The following P2RY10 variants were observed in gnomAD, a reference collection of about 807,000 sequenced individuals.
P2RY10 encodes the protein P2Y receptor family member 10.
P2RY10 carries 4 observed loss-of-function variants against 12.1 expected under a neutral mutation model. That is an observed-to-expected ratio of 0.33 (90% confidence interval 0.16 to 0.76). The LOEUF is 0.76. Ranked by LOEUF, P2RY10 falls within the 30% of genes least tolerant of loss-of-function variation. The pLI is 0.61. For missense variants in P2RY10, 233 were observed against 264.6 expected, an observed-to-expected ratio of 0.88 and a Z score of 0.83; for synonymous variants, 112 against 94.1, an observed-to-expected ratio of 1.19 and a Z score of -1.10.
chrX:78,947,780 G>T, intron 1 of P2RY10, 35 bp from the exon 2 acceptor site: 1 of 460,429 alleles, frequency 2.2e-6, no homozygotes, highest in Non-Finnish European at 2.7e-6. Context: ...AGAGAACTGA[G>T]TATCCTTTCC....
At chrX:78,946,471 G>C (rs1237141564) in intron 1 of P2RY10, among the ~76,000 whole-genome samples, 3 of 112,092 alleles carry the variant, frequency 2.7e-5, no homozygotes, top group African/African-American at 9.7e-5. Flanking sequence ...TTGGAACCAG[G>C]ATAAGGCTGG....
chrX:78,945,955 G>T (rs1000698254), intron 1 of P2RY10, among the ~76,000 whole-genome samples: 5 of 111,930 alleles, frequency 4.5e-5, no homozygotes, highest in Non-Finnish European at 9.4e-5. Flanking sequence ...AGCTTTCAGA[G>T]ATACTGAGAC....
intron 2 of P2RY10, among the ~76,000 whole-genome samples, chrX:78,951,316 T>G (rs956570718): frequency 2.7e-5 from 3 of 112,294 alleles, no homozygotes; most frequent in Non-Finnish European, 5.6e-5. Context: ...TGGATTGCCT[T>G]CTTTAAAGCT....
intron 3 of P2RY10, among the ~76,000 whole-genome samples, chrX:78,960,232 G>T (rs1306958473): frequency 8.9e-6 from 1 of 112,140 alleles, no homozygotes; most frequent in Admixed American, 9.4e-5. Flanking sequence ...CAGAATAAAA[G>T]ATTTAACATT....
In P2RY10 at chrX:78,961,450, A is replaced by C; in HGVS notation, c.930A>C (p.Ser310=). 8.3e-7 allele frequency: 1 copy of C among 1,210,546 alleles called. No homozygotes were observed. Among genetic ancestry groups the C allele is most frequent in the Non-Finnish European group, 1.1e-6 (1 of 894,726 alleles). The change falls in exon 4 of 4, where the codon TCA becomes TCC. Residue 310 remains serine, a synonymous_variant. Transcript: ENST00000171757. ...CAATTCTTTATTACTTTATGGCTTC[A>C]GAGTTTCGTGACCAACTATCCCGCC... ...LDPILYYFMA[S]EFRDQLSRHG...
intron 3 of P2RY10, among the ~76,000 whole-genome samples, chrX:78,955,315 A>G (rs1922286328): frequency 1.8e-5 from 2 of 111,935 alleles, no homozygotes; most frequent in African/African-American, 6.5e-5. Flanking sequence ...AATCACTGGC[A>G]TGAGGCAGAT....
rs769548827 is a variant in P2RY10 at position 78,953,432 on chromosome X, T to C, written c.-14+1097T>C. On this transcript the variant is annotated intron_variant, in intron 3 of 3. Coordinates refer to ENST00000171757, the MANE Select transcript of P2RY10 (RefSeq NM_014499.4). ...ATGAGGGTTGGCAGATAGTACAAAA[T>C]TGAAAAATACTGGAATAAGAAATAG... Among the ~76,000 whole-genome samples, 3 of 112,208 alleles carry C rather than the reference T, an allele frequency of 2.7e-5. No homozygotes were observed. In the South Asian group the frequency reaches 1.1e-3, roughly 42 times the overall value.
Position 78,962,334 on chromosome X carries a change from G to A in P2RY10, c.*794G>A, listed in dbSNP as rs1452582824. Among the ~76,000 whole-genome samples the A allele has an allele frequency of 9.0e-6, 1 of 111,315 alleles. No individual in the cohort carries two copies. The highest frequency in any genetic ancestry group is 1.9e-5 in the Non-Finnish European group (1 of 53,112). On this transcript the variant is annotated 3_prime_UTR_variant, in exon 4 of 4. Transcript: ENST00000171757. ...CTCATCTTGCCCTCCTAATAAACCTGTGGAAGTTGCCGATACAAATGAATA... is the reference window on the plus strand; with the variant it reads ...CTCATCTTGCCCTCCTAATAAACCTATGGAAGTTGCCGATACAAATGAATA...
At position 78,963,033 on chromosome X, in the gene P2RY10, G is replaced by T. The variant is rs914389010; in HGVS notation, c.*1493G>T. Among the ~76,000 whole-genome samples, 1 of 111,451 alleles carries T rather than the reference G, an allele frequency of 9.0e-6. No individual in the cohort carries two copies. The highest frequency in any genetic ancestry group is 3.8e-4 in the South Asian group (1 of 2,650). ...TCTTTTTATCTTATTTTTTTCAAAC[G>T]TTGTGGTTGTTGTTTCAGCACCATT... On this transcript the variant is annotated 3_prime_UTR_variant, in exon 4 of 4. Coordinates refer to ENST00000171757, the MANE Select transcript of P2RY10 (RefSeq NM_014499.4).
chrX:78,946,320 C>T (rs993717858), intron 1 of P2RY10, among the ~76,000 whole-genome samples: 7 of 111,529 alleles, frequency 6.3e-5, no homozygotes, highest in Admixed American at 9.5e-5. Flanking sequence ...ATAGCAAAGC[C>T]CATGAGTGAG....
chrX:78,961,292 C>T lies in P2RY10; in HGVS notation c.772C>T (p.Pro258Ser). ...TGCAGTCTTCTTCATCTGCTTCACT[C>T]CCTATCATATTAACTTTATTTTTTA... ...CAAVFFICFT[P>S]YHINFIFYTM... Residue 258 changes from proline to serine, a missense_variant, in exon 4 of 4, where the codon CCC (proline) becomes TCC (serine). Coordinates refer to ENST00000171757, the MANE Select transcript of P2RY10 (RefSeq NM_014499.4). 8.3e-7 allele frequency: 1 copy of T among 1,209,083 alleles called. No homozygotes were observed. Among genetic ancestry groups the T allele is most frequent in the Non-Finnish European group, 1.1e-6 (1 of 893,371 alleles).
At chrX:78,948,862 C>T (rs983205951) in intron 2 of P2RY10, among the ~76,000 whole-genome samples, 15 of 111,776 alleles carry the variant, frequency 1.3e-4, no homozygotes, top group South Asian at 3.7e-4. Flanking sequence ...TTTATCCACT[C>T]GTTAGTCAAT....
intron 3 of P2RY10, among the ~76,000 whole-genome samples, chrX:78,960,118 C>T (rs1922535320): frequency 8.9e-6 from 1 of 112,164 alleles, no homozygotes; most frequent in Non-Finnish European, 1.9e-5. Flanking sequence ...ATTTCTACTA[C>T]TGCAATTAGG....
At position 78,961,656 on chromosome X, in the gene P2RY10, A is replaced by G. The variant is rs1922632117; in HGVS notation, c.*116A>G. 1 of 548,233 alleles carries G rather than the reference A, an allele frequency of 1.8e-6. No homozygotes were observed. The highest frequency in any genetic ancestry group is 3.3e-5 in the South Asian group (1 of 29,924). The allele number at this position is 548,233 out of a possible 1,213,427, so 45.2% of individuals were successfully genotyped here. ...AACATTGTAAAAAACAGGAATAAGT[A>G]CTTTTGTGTAATATTCACAGTCAAC... is the stretch of plus-strand genomic sequence containing the variant. On this transcript the variant is annotated 3_prime_UTR_variant, in exon 4 of 4. Transcript: ENST00000171757.
At chrX:78,952,395 A>C in intron 3 of P2RY10, 60 bp downstream of exon 3, 72 of 648,618 alleles carry the variant, frequency 1.1e-4, no homozygotes, top group South Asian at 1.6e-4. Context: ...TTCTATTCTC[A>C]CCTCTTTCTG....
chrX:78,953,487 G>A (rs1213082439), intron 3 of P2RY10, among the ~76,000 whole-genome samples: 1 of 112,273 alleles, frequency 8.9e-6, no homozygotes, highest in African/African-American at 3.2e-5. Flanking sequence ...CAGCAGAAGT[G>A]AATGCTGTTA....
At chrX:78,956,674 A>C (rs1399736676) in intron 3 of P2RY10, among the ~76,000 whole-genome samples, 1 of 110,827 alleles carries the variant, frequency 9.0e-6, no homozygotes, top group African/African-American at 3.3e-5. Flanking sequence ...GATTACCTAG[A>C]TCGAGTGAGT....
rs192572217 is a variant in P2RY10, at chrX:78,956,814, G to A, written c.-13-3694G>A. On this transcript the variant is annotated intron_variant, in intron 3 of 3. Coordinates refer to ENST00000171757, the MANE Select transcript of P2RY10 (RefSeq NM_014499.4). ...CATCTGCAATGTGGAAATAATCACA[G>A]GACTCCTGTGAGGATGGATGACATA... 1.6e-3 allele frequency among the ~76,000 whole-genome samples: 184 copies of A among 111,517 alleles called. 2 individuals carry two copies. Among genetic ancestry groups the A allele is most frequent in the African/African-American group, 5.3e-3 (163 of 30,678 alleles).
intron 1 of P2RY10, among the ~76,000 whole-genome samples, chrX:78,945,705 T>C (rs1014925154): frequency 8.9e-6 from 1 of 111,940 alleles, no homozygotes; most frequent in African/African-American, 3.3e-5. Context: ...ATCAGTCCTC[T>C]TCATTATGCC....
Sources: gnomAD v4.1 joint callset for allele counts (sites outside exome capture counted in the v4.1 genomes callset) on GRCh38, gnomAD v4.1.1 for gene constraint, MANE v1.5 for transcripts, NCBI Gene and HGNC (gene_info 2026-07-23, HGNC 2026-07-21) for gene names.